Variants in DIP2C observed in about 807,000 individuals in gnomAD.
DIP2C encodes DIP2 acetate--CoA ligase C (putative).
DIP2C carries 33 observed loss-of-function variants against 192.4 expected under a neutral mutation model. The observed-to-expected ratio is 0.17, with a 90% CI of 0.13 to 0.23. The LOEUF (loss-of-function observed/expected upper bound fraction) is 0.23, where lower values mean the gene tolerates loss of function less well. Among genes scored for constraint, DIP2C ranks in the 10% least tolerant of loss-of-function variants. The pLI is 1.00. For synonymous variants in DIP2C, 979 were observed against 864.1 expected, an observed-to-expected ratio of 1.13 and a Z score of -2.33; for missense variants, 1,537 against 2,110.1, an observed-to-expected ratio of 0.73 and a Z score of 5.32.
rs542821958 is a variant in DIP2C at position 567,203 on chromosome 10, T to G, written c.86-80673A>C. ...GGGGTTTTTTGTTTTGTTTTGTTTT[T>G]TTTAAGACACAATATCACTCTGTCG... On this transcript the variant is annotated intron_variant, in intron 1 of 36. Transcript: ENST00000280886. Among the ~76,000 whole-genome samples, 16 of 152,212 alleles carry G rather than the reference T, an allele frequency of 1.1e-4. No homozygotes were observed. In the East Asian group the frequency reaches 1.2e-3, roughly 11 times the overall value.
At chr10:443,597 C>G (rs1054088223) in intron 3 of DIP2C, among the ~76,000 whole-genome samples, 1 of 152,182 alleles carries the variant, frequency 6.6e-6, no homozygotes, top group African/African-American at 2.4e-5. Context: ...ACAGGCACTT[C>G]TGTCCCTGTC....
chr10:669,830 G>A (rs981185563), intron 1 of DIP2C, among the ~76,000 whole-genome samples: 2 of 152,192 alleles, frequency 1.3e-5, no homozygotes, highest in Non-Finnish European at 2.9e-5. Context: ...TTTCCAATAA[G>A]TGGGAAACAT....
intron 3 of DIP2C, among the ~76,000 whole-genome samples, chr10:464,514 T>C (rs1430889691): frequency 6.6e-6 from 1 of 151,848 alleles, no homozygotes; most frequent in African/African-American, 2.4e-5. Flanking sequence ...GGAGAGGATG[T>C]GAAGAAACAC....
chr10:578,284 G>C (rs529704212), intron 1 of DIP2C, among the ~76,000 whole-genome samples: 1 of 152,168 alleles, frequency 6.6e-6, no homozygotes, highest in South Asian at 2.1e-4. Context: ...GCTACATCAT[G>C]AAGAACACAA....
At chr10:591,596 C>CA (rs760026105) in intron 1 of DIP2C, among the ~76,000 whole-genome samples, 10 of 152,162 alleles carry the variant, frequency 6.6e-5, no homozygotes, top group Non-Finnish European at 1.3e-4. Flanking sequence ...TACAAATACC[C>CA]AGTCGATTTG....
chr10:544,206 TGCTTGACCTTTG>T (rs1848160772), intron 1 of DIP2C, among the ~76,000 whole-genome samples: 1 of 152,244 alleles, frequency 6.6e-6, no homozygotes, highest in Non-Finnish European at 1.5e-5. Flanking sequence ...AATTGCACAG[TGCTTGACCTTTG>T]GTGTGACCTT....
intron 1 of DIP2C, among the ~76,000 whole-genome samples, chr10:557,474 TGATG>T (rs1848939201): frequency 6.6e-6 from 1 of 151,466 alleles, no homozygotes; most frequent in Non-Finnish European, 1.5e-5. Context: ...TCCCAGGCCA[TGATG>T]GCCTCTGCTG....
chr10:311,470 T>G, intron 31 of DIP2C: 2 of 1,208,230 alleles, frequency 1.7e-6, no homozygotes, highest in Non-Finnish European at 2.1e-6. Context: ...GTCCCACGGC[T>G]GGATGCGGGC....
intron 18 of DIP2C, among the ~76,000 whole-genome samples, chr10:367,233 T>G (rs190739157): frequency 6.6e-6 from 1 of 151,944 alleles, no homozygotes; most frequent in Non-Finnish European, 1.5e-5. Context: ...CTGGCTAACA[T>G]GGTGAAACCC....
intron 1 of DIP2C, among the ~76,000 whole-genome samples, chr10:660,311 T>C: frequency 6.6e-6 from 1 of 151,860 alleles, no homozygotes; most frequent in Non-Finnish European, 1.5e-5. Context: ...CTAGCCCTTG[T>C]CCCTGTTTCA....
intron 1 of DIP2C, among the ~76,000 whole-genome samples, chr10:487,567 GTTTTTTTTTTTTTTTTTTTTTT>G (rs71376836): frequency 1.8e-5 from 1 of 54,164 alleles, no homozygotes; most frequent in African/African-American, 8.0e-5. Context: ...ATCAATGAGT[GTTTTTTTTTTTTTTTTTTTTTT>G]TTTTTTTTGA....
chr10:460,702 G>T (rs556423868), intron 3 of DIP2C, among the ~76,000 whole-genome samples: 2 of 152,168 alleles, frequency 1.3e-5, no homozygotes, highest in South Asian at 2.1e-4. Context: ...GAAATACAGA[G>T]AATATCACGA....
rs1448206162 is a variant in DIP2C at position 472,779 on chromosome 10, C to A, written c.158-230G>T. On this transcript the variant is annotated intron_variant, in intron 2 of 36. Coordinates refer to ENST00000280886, the MANE Select transcript of DIP2C (RefSeq NM_014974.3). ...CGCCGCCACGGTCCCTTTCACAGCA[C>A]AAAGGTCCACTGACAGGCAGGGAGA... is the stretch of plus-strand genomic sequence containing the variant. Among the ~76,000 whole-genome samples, 8 of 152,244 alleles carry A rather than the reference C, an allele frequency of 5.3e-5. No individual in the cohort carries two copies. In the East Asian group the frequency reaches 1.5e-3, roughly 29 times the overall value.
chr10:509,035 C>T (rs1845831081), intron 1 of DIP2C, among the ~76,000 whole-genome samples: 1 of 152,168 alleles, frequency 6.6e-6, no homozygotes, highest in Non-Finnish European at 1.5e-5. Flanking sequence ...TGACTCCCAC[C>T]TCCCATGTCC....
intron 4 of DIP2C, among the ~76,000 whole-genome samples, chr10:429,181 C>G (rs967293685): frequency 6.6e-6 from 1 of 151,948 alleles, no homozygotes; most frequent in Non-Finnish European, 1.5e-5. Flanking sequence ...AAAAAATCCT[C>G]CTGCTTTGCC....
chr10:548,077 G>A (rs1399272975), intron 1 of DIP2C, among the ~76,000 whole-genome samples: 1 of 152,122 alleles, frequency 6.6e-6, no homozygotes, highest in East Asian at 1.9e-4. Context: ...TGCCTCATTG[G>A]CTGTGATCAG....
chr10:339,810 G>T (rs1247419740), intron 29 of DIP2C, among the ~76,000 whole-genome samples: 1 of 152,066 alleles, frequency 6.6e-6, no homozygotes, highest in African/African-American at 2.4e-5. Flanking sequence ...TAGAATATCG[G>T]TATTTTTCAA....
At chr10:591,925 G>A (rs1851426241) in intron 1 of DIP2C, among the ~76,000 whole-genome samples, 1 of 152,204 alleles carries the variant, frequency 6.6e-6, no homozygotes, top group African/African-American at 2.4e-5. Flanking sequence ...ACAAACAGCA[G>A]AAAGTCTCCA....
At position 674,826 on chromosome 10, in the gene DIP2C, A is replaced by AGAGAGAGAGAGACC. The variant is rs1201758510; in HGVS notation, c.85+14667_85+14668insGGTCTCTCTCTCTC. Among the ~76,000 whole-genome samples, 161 of 144,694 alleles carry AGAGAGAGAGAGACC rather than the reference A, an allele frequency of 1.1e-3. 3 individuals carry two copies. The highest frequency in any genetic ancestry group is 7.2e-3 in the Middle Eastern group (2 of 276). The allele number at this position is 144,694 out of a possible 152,430, so 94.9% of individuals were successfully genotyped here. A position where few individuals can be genotyped will look rare whatever the true frequency, so the allele number is the denominator to read the frequency against. On this transcript the variant is annotated intron_variant, in intron 1 of 36. Transcript: ENST00000280886. The stretch of plus-strand genomic sequence containing the variant: ...GAGAGAGAGAGAGAGAGAGAGAGAG[A>AGAGAGAGAGAGACC]GAGACCAACACAACAATAGTAGGGG...
Sources: gnomAD v4.1 joint callset for allele counts (sites outside exome capture counted in the v4.1 genomes callset) on GRCh38, gnomAD v4.1.1 for gene constraint, MANE v1.5 for transcripts, NCBI Gene and HGNC (gene_info 2026-07-23, HGNC 2026-07-21) for gene names.